The following RBMS3 variants were observed in gnomAD, a reference collection of about 807,000 sequenced individuals.
RBMS3 encodes RNA-binding motif, single-stranded-interacting protein 3.
RBMS3 carries 27 observed loss-of-function variants against 66.8 expected under a neutral mutation model. The ratio of observed to expected loss-of-function variants is 0.40; its 90% CI spans 0.30 to 0.56. The LOEUF (loss-of-function observed/expected upper bound fraction) is 0.56, where lower values mean the gene tolerates loss of function less well. Ranked by LOEUF, RBMS3 falls within the 20% of genes least tolerant of loss-of-function variation. The probability of loss-of-function intolerance (pLI) is 0.40; values close to 1 mark genes in which losing one functional copy is unlikely to be tolerated. For synonymous variants in RBMS3, 188 were observed against 183.0 expected (o/e 1.03, Z -0.22); for missense variants, 513 against 549.5 (o/e 0.93, Z 0.66).
At chr3:29,670,971 C>T (rs1260311674) in intron 4 of RBMS3, among the ~76,000 whole-genome samples, 2 of 152,222 alleles carry the variant, frequency 1.3e-5, no homozygotes, top group Admixed American at 6.5e-5. Flanking sequence ...ACCCTGACCC[C>T]CAAGTAGCCT....
At chr3:29,959,004 A>G (rs1696225490) in intron 12 of RBMS3, among the ~76,000 whole-genome samples, 1 of 152,206 alleles carries the variant, frequency 6.6e-6, no homozygotes, top group African/African-American at 2.4e-5. Context: ...GCCAGACATA[A>G]TGAGAAGATA....
chr3:29,549,397 A>ATTT (rs5847580), intron 3 of RBMS3, among the ~76,000 whole-genome samples: 7 of 135,512 alleles, frequency 5.2e-5, no homozygotes, highest in African/African-American at 1.1e-4. Context: ...AATTGGATTG[A>ATTT]TTTTTTTTTT....
intron 14 of RBMS3, among the ~76,000 whole-genome samples, chr3:30,003,581 G>A (rs181293530): frequency 3.7e-3 from 563 of 152,024 alleles, no homozygotes; most frequent in South Asian, 0.018. Flanking sequence ...AGTTTTGAAG[G>A]AACAGAATTA....
chr3:29,696,509 A>G (rs951405878), intron 4 of RBMS3, among the ~76,000 whole-genome samples: 7 of 152,186 alleles, frequency 4.6e-5, no homozygotes, highest in African/African-American at 1.7e-4. Flanking sequence ...AATGTCACAC[A>G]CTGTATGAGA....
At chr3:29,357,128 C>T (rs1212233726) in intron 1 of RBMS3, among the ~76,000 whole-genome samples, 1 of 152,078 alleles carries the variant, frequency 6.6e-6, no homozygotes, top group African/African-American at 2.4e-5. Context: ...ATACATGTGA[C>T]ATGTTGGTGT....
intron 8 of RBMS3, among the ~76,000 whole-genome samples, chr3:29,896,984 T>C (rs1442996099): frequency 6.6e-6 from 1 of 151,644 alleles, no homozygotes; most frequent in Non-Finnish European, 1.5e-5. Context: ...CTGGTCTTTA[T>C]TTCCTGACAG....
intron 4 of RBMS3, among the ~76,000 whole-genome samples, chr3:29,694,162 A>C (rs1288662946): frequency 1.3e-5 from 2 of 151,404 alleles, no homozygotes; most frequent in Non-Finnish European, 2.9e-5. Context: ...TGTTGAGGGA[A>C]GGGGGTGTGC....
chr3:29,390,541 A>G (rs1385897038), intron 1 of RBMS3, among the ~76,000 whole-genome samples: 1 of 134,648 alleles, frequency 7.4e-6, no homozygotes, highest in African/African-American at 2.8e-5. Flanking sequence ...GCATCTCCAT[A>G]TCAAAGTTTA....
chr3:29,410,808 G>T (rs1459233629), intron 1 of RBMS3, among the ~76,000 whole-genome samples: 3 of 152,132 alleles, frequency 2.0e-5, no homozygotes, highest in Non-Finnish European at 4.4e-5. Context: ...GGTGTTGACA[G>T]GAGAGAACAT....
At chr3:29,309,729 A>T (rs1249861700) in intron 1 of RBMS3, among the ~76,000 whole-genome samples, 1 of 151,672 alleles carries the variant, frequency 6.6e-6, no homozygotes, top group Non-Finnish European at 1.5e-5. Flanking sequence ...TAGGGATTTC[A>T]TATATTGGAA....
At chr3:29,820,700 T>C (rs894191636) in intron 6 of RBMS3, among the ~76,000 whole-genome samples, 2 of 152,178 alleles carry the variant, frequency 1.3e-5, no homozygotes, top group African/African-American at 4.8e-5. Flanking sequence ...TGTCATTGGA[T>C]AGACAGTTCA....
At chr3:29,564,012 A>G (rs576089433) in intron 3 of RBMS3, among the ~76,000 whole-genome samples, 2 of 151,994 alleles carry the variant, frequency 1.3e-5, no homozygotes, top group African/African-American at 4.8e-5. Context: ...GTCAAAAAAA[A>G]AAAAAGAAAA....
At chr3:29,669,720 C>A (rs1390002937) in intron 4 of RBMS3, among the ~76,000 whole-genome samples, 2 of 152,038 alleles carry the variant, frequency 1.3e-5, no homozygotes, top group African/African-American at 4.8e-5. Context: ...TTCCTCATTC[C>A]ACTTTCTTCC....
At chr3:29,609,300 G>A (rs765051464) in intron 4 of RBMS3, among the ~76,000 whole-genome samples, 1 of 151,986 alleles carries the variant, frequency 6.6e-6, no homozygotes, top group Non-Finnish European at 1.5e-5. Context: ...GACAACTGCA[G>A]TATTGGACTG....
At chr3:29,391,651 T>C (rs34842434) in intron 1 of RBMS3, among the ~76,000 whole-genome samples, 26,761 of 152,070 alleles carry the variant, frequency 0.18, 2,881 homozygotes, top group Non-Finnish European at 0.25. Context: ...AAAATTATAT[T>C]TGTGTAAGTC....
intron 2 of RBMS3, among the ~76,000 whole-genome samples, chr3:29,473,411 C>T (rs1261484583): frequency 2.6e-5 from 4 of 152,212 alleles, no homozygotes; most frequent in African/African-American, 4.8e-5. Context: ...TCTCCAAGTT[C>T]CCACTAGACT....
intron 4 of RBMS3, among the ~76,000 whole-genome samples, chr3:29,594,330 C>A (rs1437318963): frequency 6.6e-6 from 1 of 152,038 alleles, no homozygotes; most frequent in Non-Finnish European, 1.5e-5. Context: ...CACTTACCTT[C>A]TTCAAATCGT....
intron 1 of RBMS3, among the ~76,000 whole-genome samples, chr3:29,325,192 A>G (rs61491696): frequency 0.12 from 18,591 of 152,142 alleles, 1,426 homozygotes; most frequent in African/African-American, 0.22. Flanking sequence ...TGAAAAAAAG[A>G]CATAGTGCAG....
intron 6 of RBMS3, among the ~76,000 whole-genome samples, chr3:29,813,186 T>C (rs983319549): frequency 3.9e-5 from 6 of 152,220 alleles, no homozygotes; most frequent in South Asian, 2.1e-4. Context: ...AACTAATTGC[T>C]TAGGATAAAT....
Sources: allele counts gnomAD v4.1 joint callset (sites outside exome capture counted in the v4.1 genomes callset), GRCh38; gene constraint gnomAD v4.1.1; transcripts MANE v1.5; gene names NCBI Gene and HGNC (gene_info 2026-07-23, HGNC 2026-07-21).